CSMD3: variants seen among roughly 807,000 people sequenced by gnomAD.
CSMD3 encodes CUB and sushi domain-containing protein 3.
In CSMD3, 177 loss-of-function variants were observed where a neutral mutation model predicts 435.2. The ratio of observed to expected loss-of-function variants is 0.41; its 90% CI spans 0.36 to 0.46. The LOEUF (loss-of-function observed/expected upper bound fraction) is 0.46. Ranked by LOEUF, CSMD3 falls within the 20% of genes least tolerant of loss-of-function variation. The pLI is 0.34. For missense variants in CSMD3, 4,265 were observed against 4,504.6 expected, an observed-to-expected ratio of 0.95 and a Z score of 1.52; for synonymous variants, 1,656 against 1,520.5, an observed-to-expected ratio of 1.09 and a Z score of -2.07.
At chr8:112,395,627 G>A (rs1254530722) in intron 35 of CSMD3, among the ~76,000 whole-genome samples, 1 of 152,094 alleles carries the variant, frequency 6.6e-6, no homozygotes, top group Non-Finnish European at 1.5e-5. Flanking sequence ...TGCCTAAGGG[G>A]AGTAGGTGGC....
At chr8:113,195,608 AAG>A (rs2092642346) in intron 3 of CSMD3, among the ~76,000 whole-genome samples, 1 of 150,484 alleles carries the variant, frequency 6.6e-6, no homozygotes, top group South Asian at 2.1e-4. Flanking sequence ...GGATAAATGA[AAG>A]AGGAGGATTC....
At chr8:112,923,344 G>A (rs1320472063) in intron 9 of CSMD3, among the ~76,000 whole-genome samples, 1 of 152,084 alleles carries the variant, frequency 6.6e-6, no homozygotes, top group Non-Finnish European at 1.5e-5. Context: ...TAAAGAGATT[G>A]CCCTTAAAAT....
At chr8:113,376,661 G>A (rs2094385223) in intron 1 of CSMD3, 7 of 1,529,712 alleles carry the variant, frequency 4.6e-6, no homozygotes, top group Non-Finnish European at 5.4e-6. Flanking sequence ...CAGGCAGGAG[G>A]CGCCATCATG....
At chr8:112,301,641 A>G in intron 53 of CSMD3, 152 bp downstream of exon 53, 1 of 646,210 alleles carries the variant, frequency 1.5e-6, no homozygotes, top group East Asian at 2.7e-5. Context: ...CTTTTCTATC[A>G]TGAGCCATTT....
chr8:112,689,544 A>G (rs949430895), intron 14 of CSMD3, among the ~76,000 whole-genome samples: 1 of 152,192 alleles, frequency 6.6e-6, no homozygotes, highest in East Asian at 1.9e-4. Flanking sequence ...ATTAAAATAA[A>G]TGAGTCTATT....
chr8:113,165,329 C>A (rs549195064), intron 4 of CSMD3, among the ~76,000 whole-genome samples: 1 of 152,218 alleles, frequency 6.6e-6, no homozygotes, highest in South Asian at 2.1e-4. Context: ...ATTTTGGGAA[C>A]AACATCGTTA....
intron 15 of CSMD3, among the ~76,000 whole-genome samples, chr8:112,684,560 A>T (rs189694127): frequency 8.5e-5 from 13 of 152,236 alleles, no homozygotes; most frequent in Admixed American, 7.8e-4. Flanking sequence ...AAAAATTACT[A>T]GTATTCTATG....
intron 13 of CSMD3, among the ~76,000 whole-genome samples, chr8:112,756,568 C>T (rs1378738587): frequency 6.6e-6 from 1 of 151,936 alleles, no homozygotes; most frequent in East Asian, 1.9e-4. Flanking sequence ...GAAAAATTCC[C>T]AAGAATATAA....
At chr8:113,130,078 C>A (rs2091246805) in intron 4 of CSMD3, among the ~76,000 whole-genome samples, 2 of 151,866 alleles carry the variant, frequency 1.3e-5, no homozygotes, top group African/African-American at 4.8e-5. Context: ...TTATTAAGCT[C>A]TTTGTGATAG....
chr8:113,138,811 G>GTGTGTC (rs1491317513), intron 4 of CSMD3, among the ~76,000 whole-genome samples: 3 of 28,112 alleles, frequency 1.1e-4, no homozygotes, highest in South Asian at 1.2e-3. Context: ...AAACGTGTTA[G>GTGTGTC]TGTGTGTGTG....
chr8:113,071,191 C>G (rs1223227419), intron 5 of CSMD3, among the ~76,000 whole-genome samples: 1 of 151,860 alleles, frequency 6.6e-6, no homozygotes, highest in Non-Finnish European at 1.5e-5. Flanking sequence ...TTTAGTTTTG[C>G]TACTGAGTTT....
chr8:113,414,603 T>A (rs911737393), intron 1 of CSMD3, among the ~76,000 whole-genome samples: 1 of 150,982 alleles, frequency 6.6e-6, no homozygotes, highest in African/African-American at 2.4e-5. Context: ...TATTATATTT[T>A]TTCTTCTCAC....
In CSMD3 at chr8:112,312,316, G is replaced by A. The variant is rs145934903; in HGVS notation, c.7697-1150C>T. On this transcript the variant is annotated intron_variant, in intron 49 of 70. Transcript: ENST00000297405. ...GTTGCCCAGGCTGGAGTCCAATGGCGCTACCTTGGCTCATTGCAACGCCCA... is the reference window on the plus strand; with the variant it reads ...GTTGCCCAGGCTGGAGTCCAATGGCACTACCTTGGCTCATTGCAACGCCCA... Among the ~76,000 whole-genome samples, 110 of 152,080 alleles carry A rather than the reference G, an allele frequency of 7.2e-4. No homozygotes were observed. In the Middle Eastern group the frequency reaches 0.014, roughly 19 times the overall value.
At chr8:112,775,084 A>G (rs796526005) in intron 13 of CSMD3, among the ~76,000 whole-genome samples, 5 of 151,928 alleles carry the variant, frequency 3.3e-5, no homozygotes, top group African/African-American at 9.6e-5. Context: ...TGCTGACCTG[A>G]TATCACCTCT....
chr8:112,441,320 C>T (rs751544470), intron 32 of CSMD3, among the ~76,000 whole-genome samples: 1 of 152,138 alleles, frequency 6.6e-6, no homozygotes, highest in Non-Finnish European at 1.5e-5. Flanking sequence ...TCACTGTCAG[C>T]GTTTTGGTCA....
At chr8:112,893,487 A>G (rs533688669) in intron 10 of CSMD3, among the ~76,000 whole-genome samples, 2 of 151,628 alleles carry the variant, frequency 1.3e-5, no homozygotes, top group African/African-American at 4.8e-5. Context: ...TCATTGTTCT[A>G]AAGTACAGCC....
chr8:112,574,039 A>C (rs1277187541), intron 23 of CSMD3, among the ~76,000 whole-genome samples: 2 of 152,008 alleles, frequency 1.3e-5, no homozygotes, highest in African/African-American at 4.8e-5. Flanking sequence ...TCAAACATTT[A>C]CTTTTCCAAC....
chr8:112,817,755 A>C lies in CSMD3; in HGVS notation c.1859+11931T>G, dbSNP rs1017817942. ...AATGACAGATGCAATAAATCTCTGA[A>C]TTGTGAGTTTAAATTTGCAGTTTAA... On this transcript the variant is annotated intron_variant, in intron 12 of 70. Transcript: ENST00000297405. 2.6e-5 allele frequency among the ~76,000 whole-genome samples: 4 copies of C among 152,200 alleles called. No individual in the cohort carries two copies. In the East Asian group the frequency reaches 5.8e-4, roughly 22 times the overall value.
At chr8:112,614,598 C>A (rs1833522825) in intron 22 of CSMD3, among the ~76,000 whole-genome samples, 1 of 151,998 alleles carries the variant, frequency 6.6e-6, no homozygotes, top group Admixed American at 6.6e-5. Flanking sequence ...GTGAATACTT[C>A]TATTAGAGAG....
Sources: allele counts gnomAD v4.1 joint callset (sites outside exome capture counted in the v4.1 genomes callset), GRCh38; gene constraint gnomAD v4.1.1; transcripts MANE v1.5; gene names NCBI Gene and HGNC (gene_info 2026-07-23, HGNC 2026-07-21).